The following ALG9 variants were observed in gnomAD, a reference collection of about 807,000 sequenced individuals.
ALG9 encodes the protein ALG9 alpha-1,2-mannosyltransferase.
Under a neutral mutation model 81.8 loss-of-function variants are expected in ALG9, and 55 were observed. The ratio of observed to expected loss-of-function variants is 0.67; its 90% CI spans 0.54 to 0.84. The LOEUF (loss-of-function observed/expected upper bound fraction) is 0.84, where lower values mean the gene tolerates loss of function less well. Among genes scored for constraint, ALG9 ranks in the 40% least tolerant of loss-of-function variants. ALG9 has a pLI of 0.00. For synonymous variants in ALG9, 278 were observed against 274.3 expected, an observed-to-expected ratio of 1.01 and a Z score of -0.13; for missense variants, 629 against 745.0, an observed-to-expected ratio of 0.84 and a Z score of 1.81.
intron 13 of ALG9, among the ~76,000 whole-genome samples, chr11:111,830,508 A>G (rs1212597004): frequency 1.3e-5 from 2 of 152,252 alleles, no homozygotes; most frequent in African/African-American, 4.8e-5. Flanking sequence ...TAATTTCTAA[A>G]TGCCAACATA....
At position 111,865,163 on chromosome 11, in the gene ALG9, C is replaced by G. The variant is rs1961921457; in HGVS notation, c.476+18G>C. ...GGTTTCCTCACAGCACTTTTAGAAG[C>G]AAAGTTTTTATACTCACTTGTAAAA... is the stretch of plus-strand genomic sequence containing the variant. On this transcript the variant is annotated intron_variant, in intron 4 of 14. Transcript: ENST00000616540. 3 of 1,530,292 alleles carry G rather than the reference C, an allele frequency of 2.0e-6. No individual in the cohort carries two copies. The highest frequency in any genetic ancestry group is 2.6e-6 in the Non-Finnish European group (3 of 1,138,242). The allele number at this position is 1,530,292 out of a possible 1,614,324, so 94.8% of individuals were successfully genotyped here.
At chr11:111,810,050 T>G (rs1555089759) in intron 13 of ALG9, among the ~76,000 whole-genome samples, 1 of 152,198 alleles carries the variant, frequency 6.6e-6, no homozygotes, top group Admixed American at 6.5e-5. Flanking sequence ...AAAGCCACCA[T>G]GAGCCCACAA....
At chr11:111,800,358 G>A (rs1311141201) in intron 14 of ALG9, among the ~76,000 whole-genome samples, 1 of 152,042 alleles carries the variant, frequency 6.6e-6, no homozygotes, top group African/African-American at 2.4e-5. Flanking sequence ...GCACGCGCCT[G>A]TAGTCCCAGC....
At chr11:111,840,590 GT>G in intron 10 of ALG9, 64 bp downstream of exon 10, 1 of 1,589,764 alleles carries the variant, frequency 6.3e-7, no homozygotes, top group South Asian at 1.1e-5. Context: ...TTGCACTTAA[GT>G]TTGTGAGCAA....
In ALG9 at chr11:111,855,541, A is replaced by G. The variant is rs78856061; in HGVS notation, c.702-1805T>C. 4.4e-3 allele frequency among the ~76,000 whole-genome samples: 669 copies of G among 152,340 alleles called. 3 individuals are homozygous for G. Among genetic ancestry groups the G allele is most frequent in the African/African-American group, 0.015 (639 of 41,576 alleles). ...CAGGAGATACAACCAATTAACACTG[A>G]TGGGAAAGAGAGAAGAGTCACAGAC... On this transcript the variant is annotated intron_variant, in intron 6 of 14. Coordinates refer to ENST00000616540, the MANE Select transcript of ALG9 (RefSeq NM_024740.2).
intron 14 of ALG9, among the ~76,000 whole-genome samples, chr11:111,797,890 A>T (rs1555076747): frequency 6.6e-6 from 1 of 152,192 alleles, no homozygotes; most frequent in Non-Finnish European, 1.5e-5. Context: ...TAATAAGCGT[A>T]TATGATATCA....
At chr11:111,852,899 G>T (rs1256521096) in intron 8 of ALG9, among the ~76,000 whole-genome samples, 1 of 144,314 alleles carries the variant, frequency 6.9e-6, no homozygotes, top group African/African-American at 2.6e-5. Context: ...CCAAGATCGC[G>T]CCACTGCACT....
chr11:111,843,280 G>C (rs1280397833), intron 9 of ALG9, among the ~76,000 whole-genome samples: 1 of 152,062 alleles, frequency 6.6e-6, no homozygotes, highest in African/African-American at 2.4e-5. Flanking sequence ...AGTAAGATGG[G>C]GGTCTTCTTA....
chr11:111,826,540 A>G (rs1201602613), intron 13 of ALG9, among the ~76,000 whole-genome samples: 1 of 152,030 alleles, frequency 6.6e-6, no homozygotes, highest in Admixed American at 6.6e-5. Context: ...TTTTTCAGAC[A>G]GAGTCTCACT....
At chr11:111,844,796 G>A in intron 8 of ALG9, 73 bp from the exon 9 acceptor site, 2 of 1,516,550 alleles carry the variant, frequency 1.3e-6, no homozygotes, top group South Asian at 1.1e-5. Context: ...GACATATAAT[G>A]TTCTTTGTTG....
At chr11:111,797,014 A>ATT (rs1555075881) in intron 14 of ALG9, among the ~76,000 whole-genome samples, 1 of 152,214 alleles carries the variant, frequency 6.6e-6, no homozygotes, top group Non-Finnish European at 1.5e-5. Context: ...TACTGCATGT[A>ATT]CTATATGCCT....
At chr11:111,849,801 C>T (rs1264887460) in intron 8 of ALG9, 2 of 152,194 alleles carry the variant, frequency 1.3e-5, no homozygotes, top group African/African-American at 4.8e-5. Context: ...CTGCAAAGGA[C>T]ATTATCTTGT....
chr11:111,790,579 T>C (rs1445459814), intron 14 of ALG9, among the ~76,000 whole-genome samples: 1 of 152,014 alleles, frequency 6.6e-6, no homozygotes, highest in Non-Finnish European at 1.5e-5. Flanking sequence ...ATAAAAGAGA[T>C]TGGGAGAAAA....
intron 10 of ALG9, among the ~76,000 whole-genome samples, chr11:111,839,868 A>C (rs1353055396): frequency 6.6e-6 from 1 of 152,198 alleles, no homozygotes; most frequent in Non-Finnish European, 1.5e-5. Flanking sequence ...ATATGTTTCC[A>C]TGTATAGGAA....
At chr11:111,815,814 C>A (rs1284324198) in intron 13 of ALG9, among the ~76,000 whole-genome samples, 1 of 152,156 alleles carries the variant, frequency 6.6e-6, no homozygotes, top group Non-Finnish European at 1.5e-5. Flanking sequence ...ATAAAAATAG[C>A]TGGAATATCA....
At chr11:111,787,107 C>T (rs1946586610) in intron 14 of ALG9, among the ~76,000 whole-genome samples, 1 of 152,148 alleles carries the variant, frequency 6.6e-6, no homozygotes, top group Non-Finnish European at 1.5e-5. Flanking sequence ...TCATGAATTT[C>T]TGAAGAATGT....
intron 14 of ALG9, among the ~76,000 whole-genome samples, chr11:111,804,172 G>C (rs539782865): frequency 6.8e-6 from 1 of 147,438 alleles, no homozygotes; most frequent in South Asian, 2.1e-4. Flanking sequence ...CAACAAAACT[G>C]AAAGTATAAA....
intron 13 of ALG9, among the ~76,000 whole-genome samples, chr11:111,826,718 T>G (rs1253287225): frequency 6.6e-6 from 1 of 152,228 alleles, no homozygotes; most frequent in Non-Finnish European, 1.5e-5. Context: ...TCAGGGACGC[T>G]CTGCAGGCTC....
At chr11:111,848,600 A>G (rs868948036) in intron 8 of ALG9, among the ~76,000 whole-genome samples, 1 of 151,898 alleles carries the variant, frequency 6.6e-6, no homozygotes, top group South Asian at 2.1e-4. Context: ...CAAAAAAAAA[A>G]AAAAAAAAGA....
Sources: allele counts gnomAD v4.1 joint callset (sites outside exome capture counted in the v4.1 genomes callset), GRCh38; gene constraint gnomAD v4.1.1; transcripts MANE v1.5; gene names NCBI Gene and HGNC (gene_info 2026-07-23, HGNC 2026-07-21).